Variants in SHLD2 observed in about 807,000 individuals in gnomAD.
SHLD2 encodes RINN1-REV7-interacting novel NHEJ regulator 2.
Under a neutral mutation model 73.2 loss-of-function variants are expected in SHLD2, and 30 were observed. That is an observed-to-expected ratio of 0.41 (90% CI 0.31 to 0.56). The LOEUF (loss-of-function observed/expected upper bound fraction) is 0.56. Ranked by LOEUF, SHLD2 falls within the 20% of genes least tolerant of loss-of-function variation. The pLI is 0.28. For synonymous variants in SHLD2, 285 were observed against 370.1 expected (o/e 0.77, Z 2.64); for missense variants, 745 against 1,055.9 (o/e 0.71, Z 4.08).
At chr10:87,144,320 C>CT in intron 2 of SHLD2, among the ~76,000 whole-genome samples, 1 of 152,334 alleles carries the variant, frequency 6.6e-6, no homozygotes, top group South Asian at 2.1e-4. Context: ...CTCACCCGCA[C>CT]TGGCCTAAGG....
intron 2 of SHLD2, among the ~76,000 whole-genome samples, chr10:87,116,676 T>G (rs1196650286): frequency 6.7e-6 from 1 of 149,920 alleles, no homozygotes; most frequent in African/African-American, 2.5e-5. Context: ...CTGAGGGAGG[T>G]GAGAGGGCAA....
At chr10:87,112,725 A>C (rs548277258) in intron 2 of SHLD2, among the ~76,000 whole-genome samples, 12 of 151,560 alleles carry the variant, frequency 7.9e-5, no homozygotes, top group African/African-American at 2.2e-4. Flanking sequence ...AAAAAAAAAA[A>C]AAACCCAAAA....
chr10:87,117,010 C>T (rs377223059), intron 2 of SHLD2, among the ~76,000 whole-genome samples: 6 of 152,198 alleles, frequency 3.9e-5, no homozygotes, highest in African/African-American at 4.8e-5. Context: ...GAAGATTGAA[C>T]GGGAGGAGCA....
At chr10:87,099,415 T>C (rs1842121977) in intron 2 of SHLD2, among the ~76,000 whole-genome samples, 3 of 152,254 alleles carry the variant, frequency 2.0e-5, no homozygotes, top group Admixed American at 2.0e-4. Flanking sequence ...CTATAAAAGA[T>C]GTATGTGGCC....
intron 8 of SHLD2, among the ~76,000 whole-genome samples, chr10:87,186,496 T>C (rs1485487592): frequency 1.3e-5 from 2 of 152,236 alleles, no homozygotes; most frequent in Non-Finnish European, 2.9e-5. Context: ...CAGTGATTTA[T>C]TATGTTCATC....
intron 4 of SHLD2, among the ~76,000 whole-genome samples, chr10:87,164,726 AG>A (rs1456626140): frequency 1.3e-5 from 2 of 152,096 alleles, no homozygotes; most frequent in Non-Finnish European, 2.9e-5. Flanking sequence ...AAGCAATTTG[AG>A]TAAGAAAATA....
At position 87,112,845 on chromosome 10, in the gene SHLD2, C is replaced by T. The variant is rs1589448182; in HGVS notation, c.-6+15856C>T. The stretch of plus-strand genomic sequence containing the variant: ...ACAGATACTATGGGAAACAGTCTGG[C>T]AGTTCCTCAAAAAGTTAAACATACA... On this transcript the variant is annotated intron_variant, in intron 2 of 9. Coordinates refer to ENST00000298786, the MANE Select transcript of SHLD2 (RefSeq NM_001330112.2). Among the ~76,000 whole-genome samples the T allele has an allele frequency of 6.6e-5, 10 of 152,160 alleles. 4 individuals are homozygous for T. The highest frequency in any genetic ancestry group is 6.5e-4 in the Admixed American group (10 of 15,280).
intron 8 of SHLD2, among the ~76,000 whole-genome samples, chr10:87,184,315 G>C (rs1227816671): frequency 6.6e-6 from 1 of 151,848 alleles, no homozygotes; most frequent in African/African-American, 2.4e-5. Context: ...GTGTATCTCA[G>C]CAGGGGCATT....
Position 87,176,114 on chromosome 10 carries a change from T to A in SHLD2, c.2170+19T>A. ...TGTTCAGGTAAGATCTTTATATACA[T>A]AAATTCTGCTATTTTTATTTCTTTT... is the stretch of plus-strand genomic sequence containing the variant. On this transcript the variant is annotated intron_variant, in intron 7 of 9. Transcript: ENST00000298786. 1 of 1,548,172 alleles carries A rather than the reference T, an allele frequency of 6.5e-7. No homozygotes were observed.
At chr10:87,146,651 T>C (rs1845632060) in intron 2 of SHLD2, among the ~76,000 whole-genome samples, 1 of 152,100 alleles carries the variant, frequency 6.6e-6, no homozygotes, top group African/African-American at 2.4e-5. Flanking sequence ...GTATTTTATG[T>C]GTGGCCCAAG....
intron 6 of SHLD2, among the ~76,000 whole-genome samples, chr10:87,173,376 G>T (rs1424617700): frequency 6.6e-6 from 1 of 151,534 alleles, no homozygotes; most frequent in Non-Finnish European, 1.5e-5. Flanking sequence ...ATTAAAACAT[G>T]GTCAGTCTTG....
chr10:87,135,088 A>C (rs1034424672), intron 2 of SHLD2, among the ~76,000 whole-genome samples: 1 of 152,010 alleles, frequency 6.6e-6, no homozygotes. Context: ...AATTGCCAAG[A>C]TAGTATAGAG....
chr10:87,103,362 A>G (rs186022088), intron 2 of SHLD2, among the ~76,000 whole-genome samples: 115 of 152,324 alleles, frequency 7.5e-4, no homozygotes, highest in African/African-American at 2.7e-3. Flanking sequence ...TGGAAACAGC[A>G]TAGGCAAAGC....
chr10:87,103,773 A>G (rs1589424149), intron 2 of SHLD2, among the ~76,000 whole-genome samples: 1 of 152,198 alleles, frequency 6.6e-6, no homozygotes, highest in African/African-American at 2.4e-5. Flanking sequence ...TTACATCTGC[A>G]TGGCTGGTTT....
intron 2 of SHLD2, among the ~76,000 whole-genome samples, chr10:87,123,827 G>C (rs1473156044): frequency 6.6e-6 from 1 of 152,214 alleles, no homozygotes; most frequent in Non-Finnish European, 1.5e-5. Context: ...GCTTGGAATT[G>C]AAAGTGTTTA....
chr10:87,107,195 C>T (rs56926402), intron 2 of SHLD2, among the ~76,000 whole-genome samples: 16,318 of 151,688 alleles, frequency 0.11, 988 homozygotes, highest in Admixed American at 0.15. Flanking sequence ...GGTGGATCAC[C>T]AGAGGTCAGA....
chr10:87,121,354 G>C (rs1843604789), intron 2 of SHLD2, among the ~76,000 whole-genome samples: 1 of 151,960 alleles, frequency 6.6e-6, no homozygotes, highest in African/African-American at 2.4e-5. Context: ...CAAACTCCTG[G>C]GCTTAAGTGA....
chr10:87,174,853 C>T (rs1458251361), intron 6 of SHLD2, among the ~76,000 whole-genome samples: 19 of 152,092 alleles, frequency 1.2e-4, no homozygotes, highest in Non-Finnish European at 1.9e-4. Flanking sequence ...TGGTGGCTCC[C>T]GCCTGTAATC....
intron 6 of SHLD2, among the ~76,000 whole-genome samples, chr10:87,173,526 A>G: frequency 6.6e-6 from 1 of 152,178 alleles, no homozygotes; most frequent in Non-Finnish European, 1.5e-5. Context: ...CTAGCTAACA[A>G]TGTGAGAAAA....
Sources: gnomAD v4.1 joint callset for allele counts (sites outside exome capture counted in the v4.1 genomes callset) on GRCh38, gnomAD v4.1.1 for gene constraint, MANE v1.5 for transcripts, NCBI Gene and HGNC (gene_info 2026-07-23, HGNC 2026-07-21) for gene names.